Variants in TBL3 observed in about 807,000 individuals in gnomAD.
TBL3 encodes the protein transducin beta-like protein 3.
In TBL3, 71 loss-of-function variants were observed where a neutral mutation model predicts 102.7. The observed-to-expected ratio is 0.69, with a 90% CI of 0.57 to 0.84. The LOEUF is 0.84. TBL3 is among the 40% of genes least tolerant of loss of function. The probability of loss-of-function intolerance (pLI) is 0.00; values close to 1 mark genes in which losing one functional copy is unlikely to be tolerated. For missense variants in TBL3, 1,188 were observed against 1,098.5 expected (o/e 1.08, Z -1.15); for synonymous variants, 578 against 477.7 (o/e 1.21, Z -2.74).
In TBL3 at chr16:1,975,424, C is replaced by T. The variant is rs1208597294; in HGVS notation, c.791C>T (p.Thr264Ile). Residue 264 changes from threonine to isoleucine, a missense_variant, in exon 9 of 22, where the codon ACA (threonine) becomes ATA (isoleucine). Transcript: ENST00000568546. ...GVKSPGLYFL[T>I]AGDQGTLRVW... is the part of the protein sequence containing the mutation. ...AAGTCCCCAGGGCTGTACTTTCTGA[C>T]AGCTGGCGACCAAGGTGTGTTGGGC... 3 of 1,613,786 alleles carry T rather than the reference C, an allele frequency of 1.9e-6. No individual in the cohort carries two copies. The highest frequency in any genetic ancestry group is 3.3e-5 in the Admixed American group (2 of 60,022).
In TBL3 at chr16:1,978,875, C is replaced by T; in HGVS notation, c.*190C>T. 1 of 1,072,232 alleles carries T rather than the reference C, an allele frequency of 9.3e-7. No homozygotes were observed. Among genetic ancestry groups the T allele is most frequent in the Admixed American group, 2.8e-5 (1 of 36,156 alleles). The allele number at this position is 1,072,232 out of a possible 1,614,324, so 66.4% of individuals were successfully genotyped here. A position where few individuals can be genotyped will look rare whatever the true frequency, so the allele number is the denominator to read the frequency against. On this transcript the variant is annotated 3_prime_UTR_variant, in exon 22 of 22. Coordinates refer to ENST00000568546, the MANE Select transcript of TBL3 (RefSeq NM_006453.3). ...ACGCCCATCCCGCACCCTGGCCTGG[C>T]AGAGATCCAGCCCGCGGCTCCGCAC...
intron 1 of TBL3, among the ~76,000 whole-genome samples, chr16:1,973,574 C>T (rs2083376046): frequency 6.6e-6 from 1 of 152,182 alleles, no homozygotes; most frequent in Non-Finnish European, 1.5e-5. Context: ...AGTGAGGTCA[C>T]AGAAATGACA....
At chr16:1,976,019 CT>C (rs2083398581) in intron 11 of TBL3, 36 bp from the exon 12 acceptor site, 1 of 1,614,076 alleles carries the variant, frequency 6.2e-7, no homozygotes, top group African/African-American at 1.3e-5. Flanking sequence ...CTTCCCCCGT[CT>C]TGCTGTGTGA....
intron 13 of TBL3, 45 bp downstream of exon 13, chr16:1,976,359 C>A: frequency 6.5e-7 from 1 of 1,538,398 alleles, no homozygotes; most frequent in Non-Finnish European, 8.9e-7. Context: ...GAGGTGGAGG[C>A]CCAGGCCTGC....
rs2083399464 is a variant in TBL3 at position 1,976,094 on chromosome 16, C to T, written c.1168C>T (p.Leu390Phe). 6.2e-7 allele frequency: 1 copy of T among 1,614,172 alleles called. No homozygotes were observed. Among genetic ancestry groups the T allele is most frequent in the South Asian group, 1.1e-5 (1 of 91,090 alleles). ...LALDVFRKGW[L>F]FASCAKDQSV... ...CCTGGATGTGTTCCGGAAGGGGTGG[C>T]TCTTTGCCAGCTGTGCCAAGGTGAG... The change falls in exon 12 of 22, where the codon CTC (leucine) becomes TTC (phenylalanine). Residue 390 changes from leucine (L) to phenylalanine (F), a missense_variant. Coordinates refer to ENST00000568546, the MANE Select transcript of TBL3 (RefSeq NM_006453.3).
chr16:1,976,788 T>A (rs1480756785), intron 13 of TBL3, 26 bp from the exon 14 acceptor site: 1 of 1,611,540 alleles, frequency 6.2e-7, no homozygotes, highest in Admixed American at 1.7e-5. Flanking sequence ...CTCAGCTGTG[T>A]CTCCTCCTCT....
Position 1,978,631 on chromosome 16 carries a change from T to C in TBL3, c.2373T>C (p.Pro791=). 4.3e-6 allele frequency: 7 copies of C among 1,612,680 alleles called. No homozygotes were observed. The highest frequency in any genetic ancestry group is 5.9e-6 in the Non-Finnish European group (7 of 1,179,832). The change falls in exon 22 of 22, where the codon CCT becomes CCC. Residue 791 remains proline (P), a synonymous_variant. Transcript: ENST00000568546. ...LDFLWHNMKL[P]VPAAAPTPWE... The stretch of plus-strand genomic sequence containing the variant: ...TCCTGTGGCACAACATGAAGCTCCC[T>C]GTGCCGGCCGCCGCCCCCACCCCCT...
intron 2 of TBL3, 30 bp downstream of exon 2, chr16:1,974,137 G>T: frequency 6.4e-7 from 1 of 1,568,640 alleles, no homozygotes. Context: ...CAGTGGGGCG[G>T]GCAGCCAGAG....
Position 1,980,716 on chromosome 16 carries a change from TCTC to T in TBL3, c.*2034_*2036del. On this transcript the variant is annotated 3_prime_UTR_variant, in exon 22 of 22. Transcript: ENST00000568546. ...AGCAGGCCCGCCTCCACCGGGAAGG[TCTC>T]CTTGAGGGTCTTCTGAGGGCGGGAA... 1 of 1,603,948 alleles carries T rather than the reference TCTC, an allele frequency of 6.2e-7. No individual in the cohort carries two copies. Among genetic ancestry groups the T allele is most frequent in the Non-Finnish European group, 8.5e-7 (1 of 1,175,698 alleles).
At position 1,979,474 on chromosome 16, in the gene TBL3, C is replaced by T. The variant is rs375086415; in HGVS notation, c.*789C>T. The T allele has an allele frequency of 4.3e-6, 7 of 1,611,644 alleles. No homozygotes were observed. The highest frequency in any genetic ancestry group is 1.3e-5 in the African/African-American group (1 of 74,906). ...GACGTTTCCAACACGCGCACGCGCG[C>T]CCCCGCGGGCACGGACAGCTCATCT... On this transcript the variant is annotated 3_prime_UTR_variant, in exon 22 of 22. Transcript: ENST00000568546.
In TBL3 at chr16:1,974,040, C is replaced by G. The variant is rs368620595; in HGVS notation, c.42-16C>G. On this transcript the variant is annotated splice_polypyrimidine_tract_variant and intron_variant, in intron 1 of 21. Transcript: ENST00000568546. ...GGGGGTGGGTGGTGCTCATTCGCCTCCCGCTCTCCTTCCAGCTATGCTGTG... is the reference window on the plus strand; with the variant it reads ...GGGGGTGGGTGGTGCTCATTCGCCTGCCGCTCTCCTTCCAGCTATGCTGTG... 5.2e-6 allele frequency: 8 copies of G among 1,540,594 alleles called. No individual in the cohort carries two copies. In the African/African-American group the frequency reaches 1.1e-4, roughly 21 times the overall value.
In TBL3 at chr16:1,974,658, A is replaced by C; in HGVS notation, c.358A>C (p.Thr120Pro). 1 of 1,608,048 alleles carries C rather than the reference A, an allele frequency of 6.2e-7. No homozygotes were observed. The highest frequency in any genetic ancestry group is 8.5e-7 in the Non-Finnish European group (1 of 1,176,484). Reference protein sequence around the residue: ...APVATMAFDPTSTLLATGGCD... With the variant: ...APVATMAFDPPSTLLATGGCD... ...CGTGGCCACCATGGCCTTCGACCCC[A>C]CCTCCACTCTGCTAGCCACAGGTAG... Residue 120 changes from threonine to proline, a missense_variant, in exon 5 of 22, where the codon ACC becomes CCC. Thr to Pro is a conservative substitution (Grantham distance 38, BLOSUM62 -1). Transcript: ENST00000568546.
intron 7 of TBL3, 24 bp downstream of exon 7, chr16:1,975,122 G>C: frequency 6.2e-7 from 1 of 1,612,844 alleles, no homozygotes; most frequent in South Asian, 1.1e-5. Context: ...CCTGGTAGGA[G>C]GGGGAGGCTT....
chr16:1,980,758 C>A lies in TBL3; in HGVS notation c.*2073C>A. The A allele has an allele frequency of 6.4e-7, 1 of 1,571,538 alleles. No individual in the cohort carries two copies. Among genetic ancestry groups the A allele is most frequent in the Non-Finnish European group, 8.7e-7 (1 of 1,155,064 alleles). ...TGAGGGCGGGAACCAGGGCATTGGT[C>A]TTCCAGAGCCCACTGTGCACCCTTG... On this transcript the variant is annotated 3_prime_UTR_variant, in exon 22 of 22. Transcript: ENST00000568546.
rs2083432184 is a variant in TBL3 at position 1,978,908 on chromosome 16, C to T, written c.*223C>T. The T allele has an allele frequency of 4.5e-6, 5 of 1,099,286 alleles. No homozygotes were observed. Among genetic ancestry groups the T allele is most frequent in the African/African-American group, 1.6e-5 (1 of 62,880 alleles). 68.1% of individuals were successfully genotyped at this position (1,099,286 alleles called of 1,614,324 possible). On this transcript the variant is annotated 3_prime_UTR_variant, in exon 22 of 22. Transcript: ENST00000568546. ...CAGCCCGCGGCTCCGCACGCTTAGA[C>T]GGTGGGGGTCATGCAGAACAAGCTT...
chr16:1,979,201 G>C lies in TBL3; in HGVS notation c.*516G>C. 6.8e-7 allele frequency: 1 copy of C among 1,464,624 alleles called. No individual in the cohort carries two copies. Among genetic ancestry groups the C allele is most frequent in the Non-Finnish European group, 9.0e-7 (1 of 1,115,980 alleles). 90.7% of individuals were successfully genotyped at this position (1,464,624 alleles called of 1,614,324 possible). ...GAAGGTCGGGTGGGCACGGTGGGGG[G>C]AGGGGCGGTGGCCTGGGAGGGTTCA... On this transcript the variant is annotated 3_prime_UTR_variant, in exon 22 of 22. Transcript: ENST00000568546.
chr16:1,977,273 A>G lies in TBL3; in HGVS notation c.1660A>G (p.Ser554Gly). The G allele has an allele frequency of 5.0e-6, 8 of 1,613,278 alleles. No homozygotes were observed. Among genetic ancestry groups the G allele is most frequent in the Non-Finnish European group, 6.8e-6 (8 of 1,179,924 alleles). Residue 554 changes from serine to glycine, a missense_variant, in exon 15 of 22, where the codon AGC becomes GGC. Coordinates refer to ENST00000568546, the MANE Select transcript of TBL3 (RefSeq NM_006453.3). ...CAAGCTCTGGGCACTCCAGGACTTC[A>G]GCTGTCTCAAGGTAAGTGGCGCTCC... The part of the protein sequence containing the change: ...TIKLWALQDF[S>G]CLKTFEGHDA...
chr16:1,979,522 GGGAA>G lies in TBL3; in HGVS notation c.*839_*842del. The G allele has an allele frequency of 6.2e-7, 1 of 1,611,124 alleles. No homozygotes were observed. The highest frequency in any genetic ancestry group is 8.5e-7 in the Non-Finnish European group (1 of 1,178,928). On this transcript the variant is annotated 3_prime_UTR_variant, in exon 22 of 22. Coordinates refer to ENST00000568546, the MANE Select transcript of TBL3 (RefSeq NM_006453.3). ...TCTGCGCGGCTGCTCTCGTAGGCGC[GGGAA>G]GCACAGAACTGGGGACCTGGTGGGA...
chr16:1,979,644 G>A lies in TBL3; in HGVS notation c.*959G>A, dbSNP rs986877505. 7.8e-7 allele frequency: 1 copy of A among 1,274,744 alleles called. No homozygotes were observed. Among genetic ancestry groups the A allele is most frequent in the Non-Finnish European group, 1.1e-6 (1 of 911,060 alleles). 79.0% of individuals were successfully genotyped at this position (1,274,744 alleles called of 1,614,324 possible). A position where few individuals can be genotyped will look rare whatever the true frequency, so the allele number is the denominator to read the frequency against. On this transcript the variant is annotated 3_prime_UTR_variant, in exon 22 of 22. Transcript: ENST00000568546. ...CTTGCTTGAGTCTGCTGACGGCGGG[G>A]CCGCTCTAAGACCGGTTCGGGGCTT...
Sources: allele counts gnomAD v4.1 joint callset (sites outside exome capture counted in the v4.1 genomes callset), GRCh38; gene constraint gnomAD v4.1.1; transcripts MANE v1.5; gene names NCBI Gene and HGNC (gene_info 2026-07-23, HGNC 2026-07-21).